DAPK2: variants seen among roughly 807,000 people sequenced by gnomAD.
DAPK2 encodes the protein death associated protein kinase 2, also known as death-associated protein kinase 2.
DAPK2 carries 35 observed loss-of-function variants against 44.1 expected under a neutral mutation model. The ratio of observed to expected loss-of-function variants is 0.79; its 90% CI spans 0.61 to 1.05. DAPK2 has a LOEUF of 1.05. Among genes scored for constraint, DAPK2 ranks in the 50% least tolerant of loss-of-function variants. The pLI is 0.00. For missense variants in DAPK2, 453 were observed against 483.2 expected (o/e 0.94, Z 0.59); for synonymous variants, 174 against 182.6 (o/e 0.95, Z 0.38).
chr15:64,025,801 G>A (rs2079823682), intron 1 of DAPK2, among the ~76,000 whole-genome samples: 1 of 152,170 alleles, frequency 6.6e-6, no homozygotes. Flanking sequence ...GTTTTATTTT[G>A]TTTTTATAAT....
chr15:64,035,071 G>A (rs1053876623), intron 1 of DAPK2, among the ~76,000 whole-genome samples: 2 of 152,002 alleles, frequency 1.3e-5, no homozygotes, highest in African/African-American at 2.4e-5. Flanking sequence ...GGGAGGCTGA[G>A]GCAGGAGAAT....
At chr15:64,001,033 C>T (rs2079071912) in intron 1 of DAPK2, among the ~76,000 whole-genome samples, 1 of 152,062 alleles carries the variant, frequency 6.6e-6, no homozygotes, top group Non-Finnish European at 1.5e-5. Flanking sequence ...GTACGTGCCA[C>T]CACGCCCAGC....
intron 2 of DAPK2, among the ~76,000 whole-genome samples, chr15:63,978,889 C>T (rs183133689): frequency 6.6e-6 from 1 of 152,326 alleles, no homozygotes; most frequent in East Asian, 1.9e-4. Context: ...GGTGGCATGC[C>T]TGCTGGAAAT....
Position 63,942,693 on chromosome 15 carries a change from C to A in DAPK2, c.454-3332G>T, listed in dbSNP as rs567112159. Among the ~76,000 whole-genome samples, 43 of 152,264 alleles carry A rather than the reference C, an allele frequency of 2.8e-4. 1 individual carries two copies. Among genetic ancestry groups the A allele is most frequent in the Middle Eastern group, 6.8e-3 (2 of 294 alleles). On this transcript the variant is annotated intron_variant, in intron 3 of 10. Coordinates refer to ENST00000261891, the Ensembl canonical transcript of DAPK2. The stretch of plus-strand genomic sequence containing the variant: ...CTAACACACAGCAGGTGACTTCTCT[C>A]CTGCCTGGAACACTCTCCCTGCACT...
intron 1 of DAPK2, among the ~76,000 whole-genome samples, chr15:64,034,210 A>AC (rs11384382): frequency 0.82 from 125,139 of 152,018 alleles, 51,813 homozygotes; most frequent in East Asian, 0.92. Context: ...GGGCTATTGA[A>AC]CCAGCCTGGG....
At chr15:63,991,461 G>A (rs1044705553) in intron 1 of DAPK2, 13 of 388,756 alleles carry the variant, frequency 3.3e-5, no homozygotes, top group South Asian at 9.4e-5. Flanking sequence ...TGTTGCTACT[G>A]TCTTTCTAGT....
chr15:63,958,554 T>C (rs2077793694), intron 3 of DAPK2, among the ~76,000 whole-genome samples: 1 of 152,240 alleles, frequency 6.6e-6, no homozygotes, highest in South Asian at 2.1e-4. Flanking sequence ...AGGGATCCAG[T>C]TTCAGCTTTC....
rs749255763 is a variant in DAPK2 at position 64,013,573 on chromosome 15, G to A, written c.92+26597C>T. Among the ~76,000 whole-genome samples the A allele has an allele frequency of 6.6e-6, 1 of 152,178 alleles. No individual in the cohort carries two copies. The highest frequency in any genetic ancestry group is 2.4e-5 in the African/African-American group (1 of 41,450). ...AGTAGAAAAACCTAAGGGCTAGAAA[G>A]GCCCTGAGATACCATCTAGCCTAAC... On this transcript the variant is annotated intron_variant, in intron 1 of 10. Transcript: ENST00000261891. This position sits in a 1 kb window ranked among gnomAD's most constrained non-coding sequence, Gnocchi z 4.7.
At chr15:63,925,466 G>A (rs1478289360) in intron 7 of DAPK2, among the ~76,000 whole-genome samples, 2 of 151,958 alleles carry the variant, frequency 1.3e-5, no homozygotes, top group Non-Finnish European at 1.5e-5. Context: ...CCACAGCCAC[G>A]GGACTCACCC....
chr15:63,994,537 T>C (rs1595868294), intron 1 of DAPK2, among the ~76,000 whole-genome samples: 1 of 151,970 alleles, frequency 6.6e-6, no homozygotes, highest in Non-Finnish European at 1.5e-5. Flanking sequence ...GTTATCATCT[T>C]GGTGTCTGCC....
At chr15:63,943,794 T>C (rs2077379234) in intron 3 of DAPK2, among the ~76,000 whole-genome samples, 2 of 152,162 alleles carry the variant, frequency 1.3e-5, no homozygotes, top group Admixed American at 1.3e-4. Context: ...GAGAATTGCT[T>C]GAACCCGGGA....
chr15:63,922,714 T>G, intron 8 of DAPK2: 1 of 1,500,676 alleles, frequency 6.7e-7, no homozygotes, highest in Non-Finnish European at 8.9e-7. Flanking sequence ...TTGGGATGCA[T>G]CACTGACTGG....
intron 3 of DAPK2, among the ~76,000 whole-genome samples, chr15:63,952,214 T>C (rs890589652): frequency 1.3e-5 from 2 of 152,082 alleles, no homozygotes; most frequent in Non-Finnish European, 2.9e-5. Context: ...CACTCCAGCC[T>C]GGGAGACAGA....
intron 8 of DAPK2, among the ~76,000 whole-genome samples, chr15:63,914,315 C>T (rs1595692268): frequency 6.6e-6 from 1 of 152,146 alleles, no homozygotes. Flanking sequence ...ATTCACCCTC[C>T]GAAACTGAAG....
At chr15:63,983,352 A>AGCGG (rs1174436286) in intron 2 of DAPK2, among the ~76,000 whole-genome samples, 181 bp downstream of exon 3, 1 of 152,140 alleles carries the variant, frequency 6.6e-6, no homozygotes, top group Non-Finnish European at 1.5e-5. Context: ...AGGAGGAGGA[A>AGCGG]GCGGGTAAGG....
Position 63,939,149 on chromosome 15 carries a change from A to G in DAPK2, c.583+83T>C. On this transcript the variant is annotated intron_variant, in intron 4 of 10. Transcript: ENST00000261891. The surrounding 1 kb of genome is among the most constrained non-coding windows in gnomAD (Gnocchi z 4.3). ...CATCATCTCTTTGCTCAGAGGCCAT[A>G]GCCCCAGACACAGGTTTCTTCCCAG... is the stretch of plus-strand genomic sequence containing the variant. The G allele has an allele frequency of 6.3e-7, 1 of 1,574,834 alleles. No homozygotes were observed. Among genetic ancestry groups the G allele is most frequent in the Non-Finnish European group, 8.6e-7 (1 of 1,162,202 alleles).
chr15:63,964,756 A>G lies in DAPK2; in HGVS notation c.453+6667T>C, dbSNP rs569864745. Among the ~76,000 whole-genome samples the G allele has an allele frequency of 3.9e-5, 6 of 152,098 alleles. No individual in the cohort carries two copies. The South Asian group carries it at 1.0e-3, about 26-fold the overall frequency. ...CTCTGACGCATTCTTCAGTACATCA[A>G]TTGCATTTTTCACTTCCAGAATTTC... is the stretch of plus-strand genomic sequence containing the variant. On this transcript the variant is annotated intron_variant, in intron 3 of 10. Coordinates refer to ENST00000261891, the Ensembl canonical transcript of DAPK2.
chr15:63,963,993 TAC>T (rs2077983422), intron 3 of DAPK2, among the ~76,000 whole-genome samples: 1 of 152,246 alleles, frequency 6.6e-6, no homozygotes, highest in African/African-American at 2.4e-5. Flanking sequence ...TACACACAAT[TAC>T]AGTGTTATGA....
Position 64,028,144 on chromosome 15 carries a change from C to G in DAPK2, c.92+12026G>C, listed in dbSNP as rs1397437557. On this transcript the variant is annotated intron_variant, in intron 1 of 10. Coordinates refer to ENST00000261891, the Ensembl canonical transcript of DAPK2. ...CGCTATCTCAGCTCACTGCAACCTC[C>G]ACCTCTGCGGTTCAAGTGATTCTCT... 2.0e-5 allele frequency among the ~76,000 whole-genome samples: 3 copies of G among 152,268 alleles called. No homozygotes were observed. The East Asian group carries it at 5.8e-4, about 29-fold the overall frequency.
Sources: allele counts gnomAD v4.1 joint callset (sites outside exome capture counted in the v4.1 genomes callset), GRCh38; gene constraint gnomAD v4.1.1; non-coding constraint Gnocchi (gnomAD v3.1); transcripts MANE v1.5; gene names NCBI Gene and HGNC (gene_info 2026-07-23, HGNC 2026-07-21).